Variants in DLG2 observed in about 807,000 individuals in gnomAD.
The protein encoded by DLG2 is disks large homolog 2.
DLG2 carries 45 observed loss-of-function variants against 132.5 expected under a neutral mutation model. The ratio of observed to expected loss-of-function variants is 0.34; its 90% CI spans 0.27 to 0.44. The LOEUF (loss-of-function observed/expected upper bound fraction) is 0.44, where lower values mean the gene tolerates loss of function less well. Ranked by LOEUF, DLG2 falls within the 20% of genes least tolerant of loss-of-function variation. The probability of loss-of-function intolerance (pLI) is 1.00; values close to 1 mark genes in which losing one functional copy is unlikely to be tolerated. For missense variants in DLG2, 1,045 were observed against 1,196.9 expected, an observed-to-expected ratio of 0.87 and a Z score of 1.87; for synonymous variants, 424 against 419.6, an observed-to-expected ratio of 1.01 and a Z score of -0.13.
intron 6 of DLG2, among the ~76,000 whole-genome samples, chr11:84,871,439 T>G (rs1371918723): frequency 6.6e-6 from 1 of 152,158 alleles, no homozygotes; most frequent in East Asian, 1.9e-4. Context: ...TTCTGGAAGT[T>G]TGGGGACCAC....
intron 18 of DLG2, among the ~76,000 whole-genome samples, chr11:83,772,266 T>C (rs2094425019): frequency 6.6e-6 from 1 of 151,824 alleles, no homozygotes; most frequent in Admixed American, 6.6e-5. Context: ...AAAAATTGGC[T>C]GGGCATGGTG....
chr11:85,458,432 G>T (rs112768357), intron 3 of DLG2, among the ~76,000 whole-genome samples: 2 of 152,064 alleles, frequency 1.3e-5, no homozygotes, highest in East Asian at 3.9e-4. Flanking sequence ...TTCTATTTCT[G>T]TCATTTCAGC....
At chr11:85,054,057 G>A (rs1298321201) in intron 6 of DLG2, among the ~76,000 whole-genome samples, 1 of 151,828 alleles carries the variant, frequency 6.6e-6, no homozygotes, top group African/African-American at 2.4e-5. Context: ...ACAACGTCAG[G>A]AGATCGAGAC....
At chr11:84,720,487 C>T (rs2061686116) in intron 6 of DLG2, 5 of 985,192 alleles carry the variant, frequency 5.1e-6, no homozygotes, top group Non-Finnish European at 6.0e-6. Flanking sequence ...ACCGAGCTGC[C>T]GCTTCGATCA....
chr11:83,591,807 A>T (rs1377494152), intron 19 of DLG2, among the ~76,000 whole-genome samples: 3 of 152,066 alleles, frequency 2.0e-5, no homozygotes, highest in Non-Finnish European at 2.9e-5. Flanking sequence ...CAGGATACAA[A>T]ATCAATGTAC....
At chr11:83,587,671 C>T (rs2097109437) in intron 19 of DLG2, among the ~76,000 whole-genome samples, 1 of 152,214 alleles carries the variant, frequency 6.6e-6, no homozygotes. Context: ...CTCCGGTCTA[C>T]AGCTCCCAGC....
At chr11:84,455,770 A>G (rs899775260) in intron 7 of DLG2, among the ~76,000 whole-genome samples, 1 of 151,496 alleles carries the variant, frequency 6.6e-6, no homozygotes, top group South Asian at 2.1e-4. Context: ...AGCAAATCCA[A>G]ATTAGGACTC....
intron 14 of DLG2, among the ~76,000 whole-genome samples, chr11:83,957,571 T>A (rs11233858): frequency 0.12 from 15,499 of 131,772 alleles, 1,418 homozygotes; most frequent in African/African-American, 0.26. Flanking sequence ...TTTTTTTTTT[T>A]AAAAACATAA....
chr11:84,680,258 T>C (rs564628232), intron 6 of DLG2, among the ~76,000 whole-genome samples: 2 of 152,262 alleles, frequency 1.3e-5, no homozygotes, highest in South Asian at 4.1e-4. Flanking sequence ...TCACCAGTTA[T>C]GTCTATCCCT....
chr11:85,612,699 T>C lies in DLG2; in HGVS notation c.-93+13888A>G, dbSNP rs141131465. Among the ~76,000 whole-genome samples the C allele has an allele frequency of 4.5e-3, 688 of 152,260 alleles. 6 individuals are homozygous for C. The highest frequency in any genetic ancestry group is 8.1e-3 in the Non-Finnish European group (548 of 68,016). ...TTCTAATCTTATGAAAATCAGACCT[T>C]ATCAGTACCCCTCAAAGCTCAAGTC... On this transcript the variant is annotated intron_variant, in intron 2 of 27. Coordinates refer to ENST00000376104, the MANE Select transcript of DLG2 (RefSeq NM_001142699.3).
chr11:84,596,797 GTTAAC>G (rs1168546513), intron 6 of DLG2, among the ~76,000 whole-genome samples: 1 of 152,144 alleles, frequency 6.6e-6, no homozygotes, highest in African/African-American at 2.4e-5. Context: ...AGGTTGAACT[GTTAAC>G]TTAATTGTAC....
chr11:85,053,910 G>T (rs987579212), intron 6 of DLG2, among the ~76,000 whole-genome samples: 5 of 151,566 alleles, frequency 3.3e-5, no homozygotes, highest in African/African-American at 9.7e-5. Context: ...ATGAAATAGT[G>T]ATTCATTTAT....
intron 6 of DLG2, among the ~76,000 whole-genome samples, chr11:84,842,393 C>T (rs1313710859): frequency 2.6e-5 from 4 of 151,914 alleles, no homozygotes; most frequent in African/African-American, 9.7e-5. Context: ...CCCGTATGTC[C>T]ATTATTTAAC....
chr11:85,046,085 A>G (rs2062320165), intron 6 of DLG2, among the ~76,000 whole-genome samples: 1 of 152,036 alleles, frequency 6.6e-6, no homozygotes, highest in Non-Finnish European at 1.5e-5. Context: ...CCTCCATATT[A>G]TTAGCTCCCA....
chr11:84,484,598 A>G (rs1304606624), intron 7 of DLG2, among the ~76,000 whole-genome samples: 1 of 152,174 alleles, frequency 6.6e-6, no homozygotes, highest in Non-Finnish European at 1.5e-5. Context: ...AATAAACTCT[A>G]GTAAGTATCT....
intron 15 of DLG2, among the ~76,000 whole-genome samples, chr11:83,878,661 T>C (rs1014900057): frequency 2.0e-5 from 3 of 152,222 alleles, no homozygotes; most frequent in Admixed American, 6.5e-5. Context: ...GGAACTTCTC[T>C]GTCCCACCCA....
chr11:83,543,195 G>C (rs569177975), intron 19 of DLG2, among the ~76,000 whole-genome samples: 4 of 152,038 alleles, frequency 2.6e-5, no homozygotes, highest in Non-Finnish European at 4.4e-5. Context: ...CCAAGCTCCC[G>C]GAATGAATCA....
chr11:84,184,314 C>T (rs2154282880), intron 8 of DLG2, among the ~76,000 whole-genome samples: 1 of 151,570 alleles, frequency 6.6e-6, no homozygotes, highest in South Asian at 2.1e-4. Flanking sequence ...ATTTGCATTT[C>T]TCTGATGGCC....
chr11:83,939,781 A>T (rs12292654), intron 14 of DLG2, among the ~76,000 whole-genome samples: 2 of 152,112 alleles, frequency 1.3e-5, no homozygotes, highest in Admixed American at 1.3e-4. Flanking sequence ...ATTCATCTAT[A>T]TACTTCTGTA....
Sources: allele counts gnomAD v4.1 joint callset (sites outside exome capture counted in the v4.1 genomes callset), GRCh38; gene constraint gnomAD v4.1.1; transcripts MANE v1.5; gene names NCBI Gene and HGNC (gene_info 2026-07-23, HGNC 2026-07-21).